The following ST8SIA2 variants were observed in gnomAD, a reference collection of about 807,000 sequenced individuals.
ST8SIA2 encodes the protein alpha-2,8-sialyltransferase 8B.
A neutral mutation model predicts 37.6 loss-of-function variants in ST8SIA2; 22 were observed. That is an observed-to-expected ratio of 0.58 (90% confidence interval 0.42 to 0.83). The LOEUF is 0.83. Ranked by LOEUF, ST8SIA2 falls within the 40% of genes least tolerant of loss-of-function variation. ST8SIA2 has a pLI of 0.00. For synonymous variants in ST8SIA2, 205 were observed against 201.2 expected (o/e 1.02, Z -0.16); for missense variants, 382 against 484.7 (o/e 0.79, Z 1.99).
chr15:92,442,346 C>G (rs559278594), intron 4 of ST8SIA2, among the ~76,000 whole-genome samples: 1 of 152,174 alleles, frequency 6.6e-6, no homozygotes, highest in Non-Finnish European at 1.5e-5. Flanking sequence ...AGCCCCTGTT[C>G]CCATTACCCA....
At chr15:92,427,544 AT>A (rs957694377) in intron 1 of ST8SIA2, among the ~76,000 whole-genome samples, 4 of 151,286 alleles carry the variant, frequency 2.6e-5, no homozygotes, top group Non-Finnish European at 4.4e-5. Context: ...ATCTGTCGAC[AT>A]TTTTTTTTGT....
At chr15:92,436,297 G>A (rs564405392) in intron 3 of ST8SIA2, among the ~76,000 whole-genome samples, 7 of 151,836 alleles carry the variant, frequency 4.6e-5, no homozygotes, top group Non-Finnish European at 1.0e-4. Flanking sequence ...AGCTACCCAT[G>A]GTCCCCAATG....
intron 1 of ST8SIA2, among the ~76,000 whole-genome samples, chr15:92,395,260 A>G (rs1215102045): frequency 6.6e-6 from 1 of 152,214 alleles, no homozygotes; most frequent in African/African-American, 2.4e-5. Context: ...GTGCTCTGCC[A>G]GGCGCTCTTC....
chr15:92,438,645 C>T lies in ST8SIA2; in HGVS notation c.548+35C>T, dbSNP rs377112944. 115 of 1,561,594 alleles carry T rather than the reference C, an allele frequency of 7.4e-5. No individual in the cohort carries two copies. In the African/African-American group the frequency reaches 1.4e-3, roughly 19 times the overall value. ...CCCAGCAGGCACTCTGGGGCCAGAGCGGCGGGCAGGCTGTGTTTCAGTGGA... is the reference window on the plus strand; with the variant it reads ...CCCAGCAGGCACTCTGGGGCCAGAGTGGCGGGCAGGCTGTGTTTCAGTGGA... On this transcript the variant is annotated intron_variant, in intron 4 of 5. Coordinates refer to ENST00000268164, the MANE Select transcript of ST8SIA2 (RefSeq NM_006011.4).
intron 1 of ST8SIA2, among the ~76,000 whole-genome samples, chr15:92,409,215 A>G (rs1025151374): frequency 1.5e-4 from 23 of 152,328 alleles, no homozygotes; most frequent in Admixed American, 1.4e-3. Flanking sequence ...GCTGAGATCA[A>G]GCTGATAACA....
At chr15:92,399,359 C>T (rs188566097) in intron 1 of ST8SIA2, among the ~76,000 whole-genome samples, 1 of 152,306 alleles carries the variant, frequency 6.6e-6, no homozygotes, top group African/African-American at 2.4e-5. Flanking sequence ...GCCAGGGGTC[C>T]TAGTGCACCT....
At chr15:92,452,671 C>A (rs947874166) in intron 5 of ST8SIA2, among the ~76,000 whole-genome samples, 8 of 152,296 alleles carry the variant, frequency 5.3e-5, no homozygotes, top group African/African-American at 1.9e-4. Context: ...AGGCAGCAGA[C>A]AGGTAGACCA....
chr15:92,395,181 T>G (rs2049421722), intron 1 of ST8SIA2, among the ~76,000 whole-genome samples: 1 of 152,108 alleles, frequency 6.6e-6, no homozygotes, highest in South Asian at 2.1e-4. Context: ...CGAGGAGAGC[T>G]TCCTGGCCCT....
At chr15:92,412,987 C>T (rs1048615203) in intron 1 of ST8SIA2, among the ~76,000 whole-genome samples, 1 of 151,428 alleles carries the variant, frequency 6.6e-6, no homozygotes, top group Non-Finnish European at 1.5e-5. Flanking sequence ...CAGCATTGCC[C>T]AGTAATGGGT....
In ST8SIA2 at chr15:92,438,529, C is replaced by G. The variant is rs2049776951; in HGVS notation, c.467C>G (p.Thr156Ser). ...TSPLKNKHFG[T>S]CAIVGNSGVL... ...CCACTGAAGAATAAGCACTTTGGGA[C>G]TTGTGCCATCGTGGGCAACTCGGGG... Residue 156 changes from threonine to serine, a missense_variant, in exon 4 of 6, where the codon ACT becomes AGT. Physicochemically the swap from Thr to Ser is moderately conservative, Grantham distance 58 (BLOSUM62 1). Coordinates refer to ENST00000268164, the MANE Select transcript of ST8SIA2 (RefSeq NM_006011.4). The G allele has an allele frequency of 1.9e-6, 3 of 1,614,192 alleles. No individual in the cohort carries two copies. The highest frequency in any genetic ancestry group is 1.3e-5 in the African/African-American group (1 of 75,060).
At chr15:92,462,859 G>A (rs985393436) in intron 5 of ST8SIA2, among the ~76,000 whole-genome samples, 5 of 152,224 alleles carry the variant, frequency 3.3e-5, no homozygotes, top group African/African-American at 1.2e-4. Flanking sequence ...AAAGACATTA[G>A]ACCACACATC....
At chr15:92,458,562 T>C (rs2049935290) in intron 5 of ST8SIA2, among the ~76,000 whole-genome samples, 1 of 152,140 alleles carries the variant, frequency 6.6e-6, no homozygotes, top group South Asian at 2.1e-4. Context: ...CTGGAAAGCA[T>C]CCCTTCCGTC....
chr15:92,445,445 A>G (rs920951531), intron 5 of ST8SIA2, among the ~76,000 whole-genome samples: 1 of 152,250 alleles, frequency 6.6e-6, no homozygotes, highest in African/African-American at 2.4e-5. Flanking sequence ...AAATTGCGGT[A>G]GAAACATTTA....
chr15:92,442,482 C>T (rs1272586787), intron 4 of ST8SIA2, among the ~76,000 whole-genome samples: 1 of 152,162 alleles, frequency 6.6e-6, no homozygotes, highest in Non-Finnish European at 1.5e-5. Context: ...TTGCCTCTTT[C>T]ACAGCCCCTC....
chr15:92,445,593 T>C (rs1454000271), intron 5 of ST8SIA2, among the ~76,000 whole-genome samples: 1 of 152,172 alleles, frequency 6.6e-6, no homozygotes, highest in Non-Finnish European at 1.5e-5. Context: ...GTCTTCTCTC[T>C]AAGATGGAGG....
At chr15:92,424,737 G>A (rs2049663152) in intron 1 of ST8SIA2, among the ~76,000 whole-genome samples, 1 of 151,460 alleles carries the variant, frequency 6.6e-6, no homozygotes. Flanking sequence ...TCAGCCTCTT[G>A]AGTAGCTGGG....
At chr15:92,427,260 CAAAAAA>C (rs55783719) in intron 1 of ST8SIA2, among the ~76,000 whole-genome samples, 2 of 102,636 alleles carry the variant, frequency 1.9e-5, no homozygotes, top group Admixed American at 9.8e-5. Context: ...GGGCACTTGG[CAAAAAA>C]AAAAAAAAAA....
chr15:92,419,018 G>A (rs2049610657), intron 1 of ST8SIA2, among the ~76,000 whole-genome samples: 1 of 152,068 alleles, frequency 6.6e-6, no homozygotes, highest in Non-Finnish European at 1.5e-5. Flanking sequence ...GGTGCCCAAG[G>A]GGACATTTGC....
At chr15:92,458,074 A>G (rs755603675) in intron 5 of ST8SIA2, among the ~76,000 whole-genome samples, 1 of 152,224 alleles carries the variant, frequency 6.6e-6, no homozygotes, top group Non-Finnish European at 1.5e-5. Flanking sequence ...GTGCAACGGA[A>G]GTCAGGATAA....
Sources: gnomAD v4.1 joint callset for allele counts (sites outside exome capture counted in the v4.1 genomes callset) on GRCh38, gnomAD v4.1.1 for gene constraint, MANE v1.5 for transcripts, NCBI Gene and HGNC (gene_info 2026-07-23, HGNC 2026-07-21) for gene names.